KCNQ5: variants seen among roughly 807,000 people sequenced by gnomAD.
KCNQ5 encodes the protein potassium voltage-gated channel subfamily Q member 5.
Under a neutral mutation model 98.2 loss-of-function variants are expected in KCNQ5, and 30 were observed. The observed-to-expected ratio is 0.31, with a 90% CI of 0.23 to 0.41. The LOEUF (loss-of-function observed/expected upper bound fraction) is 0.41, where lower values mean the gene tolerates loss of function less well. Ranked by LOEUF, KCNQ5 falls within the 10% of genes least tolerant of loss-of-function variation. The pLI, the probability that KCNQ5 is intolerant of heterozygous loss-of-function variation, is 1.00. For synonymous variants in KCNQ5, 458 were observed against 449.4 expected (o/e 1.02, Z -0.24); for missense variants, 835 against 1,182.5 (o/e 0.71, Z 4.31).
At chr6:72,789,959 G>A (rs1773947718) in intron 1 of KCNQ5, among the ~76,000 whole-genome samples, 1 of 152,142 alleles carries the variant, frequency 6.6e-6, no homozygotes, top group South Asian at 2.1e-4. Flanking sequence ...TAACTTGGAT[G>A]GGGCCCAGTG....
At chr6:72,942,610 T>G (rs1171195261) in intron 1 of KCNQ5, among the ~76,000 whole-genome samples, 1 of 152,206 alleles carries the variant, frequency 6.6e-6, no homozygotes, top group Non-Finnish European at 1.5e-5. Context: ...TTGGGAAAAT[T>G]TGAATACAGA....
intron 8 of KCNQ5, among the ~76,000 whole-genome samples, chr6:73,121,714 T>C (rs1203600512): frequency 1.3e-5 from 2 of 152,208 alleles, no homozygotes; most frequent in Non-Finnish European, 2.9e-5. Context: ...TGACATTCCC[T>C]GGCAGTACCG....
At chr6:73,152,694 T>C (rs1777200048) in intron 10 of KCNQ5, among the ~76,000 whole-genome samples, 1 of 152,174 alleles carries the variant, frequency 6.6e-6, no homozygotes, top group Non-Finnish European at 1.5e-5. Flanking sequence ...GAAGGGTGAC[T>C]GGAGTTTCTG....
chr6:73,144,105 G>T (rs1261588145), intron 10 of KCNQ5, among the ~76,000 whole-genome samples: 4 of 152,058 alleles, frequency 2.6e-5, no homozygotes, highest in African/African-American at 4.8e-5. Flanking sequence ...GGTAAAGAAG[G>T]GGGGAAACAA....
intron 1 of KCNQ5, among the ~76,000 whole-genome samples, chr6:72,753,402 A>G (rs572249918): frequency 6.6e-6 from 1 of 152,146 alleles, no homozygotes; most frequent in Non-Finnish European, 1.5e-5. Flanking sequence ...TGAAATTTCT[A>G]TAAACAGTCT....
intron 1 of KCNQ5, among the ~76,000 whole-genome samples, chr6:72,743,040 G>A (rs1460674153): frequency 6.6e-6 from 1 of 152,060 alleles, no homozygotes; most frequent in East Asian, 1.9e-4. Flanking sequence ...GTTTAAAATT[G>A]TCCATGTGAA....
At chr6:72,930,627 T>G (rs938497469) in intron 1 of KCNQ5, among the ~76,000 whole-genome samples, 1 of 150,796 alleles carries the variant, frequency 6.6e-6, no homozygotes, top group African/African-American at 2.4e-5. Flanking sequence ...GAAATAAGGT[T>G]AAATAGATCT....
At chr6:73,152,635 A>G (rs181194195) in intron 10 of KCNQ5, among the ~76,000 whole-genome samples, 1 of 152,296 alleles carries the variant, frequency 6.6e-6, no homozygotes, top group Non-Finnish European at 1.5e-5. Flanking sequence ...AGATTTCCTT[A>G]GATACATAGT....
chr6:72,632,542 G>A (rs767333030), intron 1 of KCNQ5, among the ~76,000 whole-genome samples: 88 of 152,052 alleles, frequency 5.8e-4, no homozygotes, highest in Non-Finnish European at 1.1e-3. Context: ...AGTGAGCATA[G>A]TACCCAATTG....
At chr6:72,810,936 T>C (rs1312745793) in intron 1 of KCNQ5, among the ~76,000 whole-genome samples, 1 of 152,244 alleles carries the variant, frequency 6.6e-6, no homozygotes, top group Non-Finnish European at 1.5e-5. Context: ...CTGGAGATGC[T>C]AAGAATACCC....
intron 5 of KCNQ5, among the ~76,000 whole-genome samples, chr6:73,083,528 T>C (rs1773862633): frequency 6.6e-6 from 1 of 152,156 alleles, no homozygotes; most frequent in South Asian, 2.1e-4. Context: ...AAATAAATGA[T>C]GCATTATGAG....
At chr6:72,736,664 T>A (rs1278434243) in intron 1 of KCNQ5, among the ~76,000 whole-genome samples, 1 of 148,860 alleles carries the variant, frequency 6.7e-6, no homozygotes, top group Non-Finnish European at 1.5e-5. Flanking sequence ...CACGCCCGGC[T>A]AATTTTTTGT....
intron 3 of KCNQ5, among the ~76,000 whole-genome samples, chr6:73,050,190 C>A (rs1308528575): frequency 2.0e-5 from 3 of 150,256 alleles, no homozygotes. Flanking sequence ...GTACTGCAGC[C>A]TGGGCAACAG....
chr6:73,107,969 A>G (rs150753834), intron 6 of KCNQ5, among the ~76,000 whole-genome samples: 2,597 of 152,316 alleles, frequency 0.017, 72 homozygotes, highest in African/African-American at 0.058. Context: ...TGTATCTGCC[A>G]ACCAAAAGAG....
chr6:73,029,904 C>CAAAAAAAAAAAAAA, intron 2 of KCNQ5, among the ~76,000 whole-genome samples: 1 of 78,656 alleles, frequency 1.3e-5, no homozygotes, highest in Non-Finnish European at 2.3e-5. Context: ...GACTCCGTCT[C>CAAAAAAAAAAAAAA]AAAAAAAAAA....
In KCNQ5 at chr6:72,941,373, T is replaced by C. The variant is rs7741017; in HGVS notation, c.399-62535T>C. 1.4e-4 allele frequency among the ~76,000 whole-genome samples: 4 copies of C among 29,008 alleles called. No homozygotes were observed. The Admixed American group carries it at 2.7e-3, about 20-fold the overall frequency. 19.0% of individuals were successfully genotyped at this position (29,008 alleles called of 152,430 possible). On this transcript the variant is annotated intron_variant, in intron 1 of 13. Coordinates refer to ENST00000370398, the MANE Select transcript of KCNQ5 (RefSeq NM_019842.4). ...CCTTCCTTCTTTTCTTCCTTCCTTC[T>C]TTCCTCCTTCCTTCCTTCCTCCTTT...
At chr6:72,716,160 A>C (rs1769637649) in intron 1 of KCNQ5, among the ~76,000 whole-genome samples, 1 of 152,212 alleles carries the variant, frequency 6.6e-6, no homozygotes, top group African/African-American at 2.4e-5. Context: ...GATTTTTCAC[A>C]GCCCCCCAAA....
intron 1 of KCNQ5, among the ~76,000 whole-genome samples, chr6:72,901,556 TC>T (rs1214302878): frequency 2.0e-5 from 3 of 152,212 alleles, no homozygotes; most frequent in African/African-American, 7.2e-5. Flanking sequence ...AATTTCATTC[TC>T]CTAAATGTGG....
intron 1 of KCNQ5, among the ~76,000 whole-genome samples, chr6:72,730,370 A>G (rs1039881595): frequency 1.3e-5 from 2 of 151,996 alleles, no homozygotes; most frequent in African/African-American, 4.8e-5. Flanking sequence ...TGGCTTTTAA[A>G]TTTTAGGAAA....
Sources: allele counts gnomAD v4.1 joint callset (sites outside exome capture counted in the v4.1 genomes callset), GRCh38; gene constraint gnomAD v4.1.1; transcripts MANE v1.5; gene names NCBI Gene and HGNC (gene_info 2026-07-23, HGNC 2026-07-21).